The following CSMD2 variants were observed in gnomAD, a reference collection of about 807,000 sequenced individuals.
CSMD2 encodes CUB and sushi domain-containing protein 2.
Under a neutral mutation model 398.5 loss-of-function variants are expected in CSMD2, and 130 were observed. The ratio of observed to expected loss-of-function variants is 0.33; its 90% confidence interval spans 0.28 to 0.38. CSMD2 has a LOEUF of 0.38. CSMD2 is among the 10% of genes least tolerant of loss of function. The pLI, the probability that CSMD2 is intolerant of heterozygous loss-of-function variation, is 1.00. For missense variants in CSMD2, 3,829 were observed against 4,764.9 expected (o/e 0.80, Z 5.78); for synonymous variants, 1,828 against 1,908.5 (o/e 0.96, Z 1.10).
At chr1:34,093,775 C>T (rs1174433549) in intron 1 of CSMD2, among the ~76,000 whole-genome samples, 7 of 151,964 alleles carry the variant, frequency 4.6e-5, no homozygotes, top group African/African-American at 7.3e-5. Flanking sequence ...ACCAAATCTA[C>T]GTCCGATTGG....
intron 20 of CSMD2, among the ~76,000 whole-genome samples, chr1:33,715,286 A>G (rs549736267): frequency 8.4e-4 from 128 of 152,258 alleles, no homozygotes; most frequent in Non-Finnish European, 1.5e-3. Context: ...GGCAACTCCC[A>G]CTGGTGAAGA....
intron 12 of CSMD2, among the ~76,000 whole-genome samples, chr1:33,778,467 T>C (rs760193577): frequency 6.6e-6 from 1 of 152,092 alleles, no homozygotes; most frequent in Non-Finnish European, 1.5e-5. Context: ...TGGTTGGGCA[T>C]TGGGCACAAG....
At chr1:34,054,399 T>C (rs1347415193) in intron 2 of CSMD2, among the ~76,000 whole-genome samples, 1 of 152,118 alleles carries the variant, frequency 6.6e-6, no homozygotes, top group African/African-American at 2.4e-5. Context: ...GAGTGAACTT[T>C]TGTCCTTGGG....
At chr1:33,931,939 G>A (rs1644326029) in intron 4 of CSMD2, among the ~76,000 whole-genome samples, 1 of 152,214 alleles carries the variant, frequency 6.6e-6, no homozygotes, top group South Asian at 2.1e-4. Flanking sequence ...CTTCAGTGAG[G>A]CAAGTGAGAG....
At chr1:33,807,917 C>G (rs1252112536) in intron 10 of CSMD2, among the ~76,000 whole-genome samples, 5 of 151,924 alleles carry the variant, frequency 3.3e-5, no homozygotes, top group African/African-American at 1.2e-4. Context: ...GAAAAGTTAA[C>G]AGTAAGAGAA....
At chr1:33,963,323 CGATT>C (rs1357222496) in intron 3 of CSMD2, among the ~76,000 whole-genome samples, 14 of 152,168 alleles carry the variant, frequency 9.2e-5, no homozygotes, top group South Asian at 4.1e-4. Context: ...CCAAAGATTC[CGATT>C]TATTTGGTCT....
At chr1:34,086,268 G>A (rs184011381) in intron 2 of CSMD2, among the ~76,000 whole-genome samples, 11 of 152,310 alleles carry the variant, frequency 7.2e-5, no homozygotes, top group Admixed American at 7.2e-4. Context: ...GGTGTCACAT[G>A]AGCTCAAAAT....
intron 29 of CSMD2, among the ~76,000 whole-genome samples, chr1:33,644,734 A>G (rs1043399436): frequency 6.6e-6 from 1 of 152,132 alleles, no homozygotes; most frequent in African/African-American, 2.4e-5. Flanking sequence ...TGGTGGGAGC[A>G]ATGGAGGTCC....
At chr1:33,557,413 C>A (rs1047561082) in intron 55 of CSMD2, among the ~76,000 whole-genome samples, 3 of 152,154 alleles carry the variant, frequency 2.0e-5, no homozygotes, top group African/African-American at 7.2e-5. Flanking sequence ...AGATGATGTC[C>A]CGCGAGGCAG....
intron 24 of CSMD2, 96 bp downstream of exon 24, chr1:33,698,657 G>T: frequency 8.4e-7 from 1 of 1,186,836 alleles, no homozygotes; most frequent in Non-Finnish European, 1.2e-6. Context: ...TGGCCCCCAG[G>T]CCCTGGAGCA....
At chr1:34,050,497 C>A (rs1049117711) in intron 2 of CSMD2, among the ~76,000 whole-genome samples, 1 of 152,168 alleles carries the variant, frequency 6.6e-6, no homozygotes, top group Non-Finnish European at 1.5e-5. Context: ...CCATGTGAAC[C>A]CTCCAATCTG....
intron 2 of CSMD2, among the ~76,000 whole-genome samples, chr1:34,078,581 C>T (rs2148326503): frequency 6.6e-6 from 1 of 152,260 alleles, no homozygotes; most frequent in South Asian, 2.1e-4. Flanking sequence ...TAAATGTCAC[C>T]TCCATTTTAT....
At chr1:34,104,785 T>C (rs1054413759) in intron 1 of CSMD2, among the ~76,000 whole-genome samples, 4 of 152,160 alleles carry the variant, frequency 2.6e-5, no homozygotes, top group Non-Finnish European at 5.9e-5. Context: ...ACAGTATCTT[T>C]GGCTCTCTAC....
At chr1:33,860,221 T>G (rs1412265483) in intron 5 of CSMD2, among the ~76,000 whole-genome samples, 1 of 152,250 alleles carries the variant, frequency 6.6e-6, no homozygotes, top group Non-Finnish European at 1.5e-5. Flanking sequence ...CTTCTTGGTT[T>G]CTTCCAATCT....
At chr1:33,812,876 T>C (rs1196157417) in intron 9 of CSMD2, 1 of 152,008 alleles carries the variant, frequency 6.6e-6, no homozygotes, top group Non-Finnish European at 1.5e-5. Context: ...TAAGGATCCT[T>C]TTTCTGCCTT....
Position 33,559,321 on chromosome 1 carries a change from C to T in CSMD2, c.8533G>A (p.Asp2845Asn). 3 of 1,535,520 alleles carry T rather than the reference C, an allele frequency of 2.0e-6. No homozygotes were observed. The highest frequency in any genetic ancestry group is 2.6e-6 in the Non-Finnish European group (3 of 1,146,882). ...TCACTTCTGCAGGTGGGCAGCATGT[C>T]ACTCCATTGCCCGCTGGCCAGGCAT... ...SQCLASGQWS[D>N]MLPTCRIINC... is the part of the protein sequence containing the mutation. Residue 2845 changes from aspartate to asparagine, a missense_variant, in exon 54 of 71, where the codon GAC becomes AAC. Coordinates refer to ENST00000373381, the MANE Select transcript of CSMD2 (RefSeq NM_001281956.2). This position sits in a 1 kb window ranked among gnomAD's most constrained non-coding sequence, Gnocchi z 4.0.
intron 3 of CSMD2, among the ~76,000 whole-genome samples, chr1:34,022,727 G>A (rs1330386730): frequency 6.6e-6 from 1 of 152,214 alleles, no homozygotes; most frequent in Non-Finnish European, 1.5e-5. Flanking sequence ...AGAACTGGAA[G>A]GGGATGGAGG....
chr1:33,647,551 G>A (rs1643522701), intron 28 of CSMD2, among the ~76,000 whole-genome samples: 1 of 152,138 alleles, frequency 6.6e-6, no homozygotes, highest in African/African-American at 2.4e-5. Flanking sequence ...GAGTTCAAAA[G>A]TTTTTTGCAC....
At chr1:34,122,285 G>A (rs183094226) in intron 1 of CSMD2, among the ~76,000 whole-genome samples, 39 of 152,182 alleles carry the variant, frequency 2.6e-4, no homozygotes, top group Middle Eastern at 3.4e-3. Context: ...CTGAGAAACC[G>A]TGCAGGAGAA....
Sources: gnomAD v4.1 joint callset for allele counts (sites outside exome capture counted in the v4.1 genomes callset) on GRCh38, gnomAD v4.1.1 for gene constraint, Gnocchi (gnomAD v3.1) non-coding constraint, MANE v1.5 for transcripts, NCBI Gene and HGNC (gene_info 2026-07-23, HGNC 2026-07-21) for gene names.